Variants in PRKG1 observed in about 807,000 individuals in gnomAD.
PRKG1 encodes the protein protein kinase cGMP-dependent 1.
A neutral mutation model predicts 88.1 loss-of-function variants in PRKG1; 35 were observed. The observed-to-expected ratio is 0.40, with a 90% CI of 0.30 to 0.53. PRKG1 has a LOEUF of 0.53. Ranked by LOEUF, PRKG1 falls within the 20% of genes least tolerant of loss-of-function variation. The pLI, the probability that PRKG1 is intolerant of heterozygous loss-of-function variation, is 0.59. For missense variants in PRKG1, 540 were observed against 839.8 expected, an observed-to-expected ratio of 0.64 and a Z score of 4.41; for synonymous variants, 303 against 292.5, an observed-to-expected ratio of 1.04 and a Z score of -0.37.
chr10:51,862,523 G>A (rs968766297), intron 4 of PRKG1, among the ~76,000 whole-genome samples: 9 of 152,118 alleles, frequency 5.9e-5, no homozygotes, highest in South Asian at 2.1e-4. Flanking sequence ...GAAGGGGCCC[G>A]AAAACAGGTA....
intron 3 of PRKG1, among the ~76,000 whole-genome samples, chr10:51,480,029 A>G (rs1334965846): frequency 6.6e-6 from 1 of 152,074 alleles, no homozygotes; most frequent in Non-Finnish European, 1.5e-5. Flanking sequence ...AATGTTGGCA[A>G]GCTTGATTTA....
At chr10:51,876,853 G>T (rs548092952) in intron 4 of PRKG1, among the ~76,000 whole-genome samples, 1 of 152,172 alleles carries the variant, frequency 6.6e-6, no homozygotes, top group South Asian at 2.1e-4. Flanking sequence ...TAACTCTAGG[G>T]CCTGGGTTTT....
At position 51,858,390 on chromosome 10, in the gene PRKG1, AATATATATAATATATATAAAAT is replaced by A. The variant is rs1286888349; in HGVS notation, c.699-49098_699-49077del. Among the ~76,000 whole-genome samples the A allele has an allele frequency of 2.2e-4, 3 of 13,686 alleles. 1 individual carries two copies. The highest frequency in any genetic ancestry group is 4.4e-3 in the South Asian group (1 of 228). 9.0% of individuals were successfully genotyped at this position (13,686 alleles called of 152,430 possible). On this transcript the variant is annotated intron_variant, in intron 4 of 17. Transcript: ENST00000373980. ...TATAATATATATAAAATATATATATAATATATATAATATATATAAAATATATATATAATATATATATATAGTC... is the reference window on the plus strand; with the variant it reads ...TATAATATATATAAAATATATATATAATATATATAATATATATATATAGTC...
chr10:51,207,292 C>A (rs887830302), intron 2 of PRKG1, among the ~76,000 whole-genome samples: 1 of 152,128 alleles, frequency 6.6e-6, no homozygotes, highest in Non-Finnish European at 1.5e-5. Flanking sequence ...CCCTTCCTTA[C>A]GTTCAAGACT....
At chr10:51,454,784 T>C (rs905277270) in intron 2 of PRKG1, among the ~76,000 whole-genome samples, 4 of 152,132 alleles carry the variant, frequency 2.6e-5, no homozygotes, top group African/African-American at 9.7e-5. Flanking sequence ...GATTCAGTTA[T>C]CTCCCACTGG....
At chr10:52,169,697 G>A (rs1191804576) in intron 9 of PRKG1, among the ~76,000 whole-genome samples, 1 of 152,212 alleles carries the variant, frequency 6.6e-6, no homozygotes, top group Non-Finnish European at 1.5e-5. Flanking sequence ...GAGTGGTGGG[G>A]ATGGAGCCCG....
At chr10:52,012,903 A>G (rs775392325) in intron 5 of PRKG1, among the ~76,000 whole-genome samples, 26 of 152,244 alleles carry the variant, frequency 1.7e-4, no homozygotes, top group Non-Finnish European at 3.2e-4. Flanking sequence ...ACCATGTGGT[A>G]ATTATTATAC....
At chr10:51,392,535 C>G (rs1351481249) in intron 2 of PRKG1, among the ~76,000 whole-genome samples, 1 of 152,108 alleles carries the variant, frequency 6.6e-6, no homozygotes, top group Non-Finnish European at 1.5e-5. Context: ...CTACTTCTTT[C>G]TACACAGACA....
rs181945675 is a variant in PRKG1, at chr10:52,276,215, T to A, written c.1403+3734T>A. Among the ~76,000 whole-genome samples the A allele has an allele frequency of 3.9e-5, 6 of 152,276 alleles. No homozygotes were observed. In the East Asian group the frequency reaches 9.7e-4, roughly 25 times the overall value. ...TGATTGCTCTGGCTAGGACTTCCAG[T>A]ACTGCGTTGAAGAGGAGTGGTGAGA... On this transcript the variant is annotated intron_variant, in intron 12 of 17. Coordinates refer to ENST00000373980, the MANE Select transcript of PRKG1 (RefSeq NM_006258.4).
At chr10:51,727,000 C>A (rs553456317) in intron 3 of PRKG1, among the ~76,000 whole-genome samples, 7 of 151,976 alleles carry the variant, frequency 4.6e-5, no homozygotes, top group Non-Finnish European at 1.0e-4. Context: ...AAGCTGGTCT[C>A]GATTTCCTGA....
intron 1 of PRKG1, among the ~76,000 whole-genome samples, chr10:51,150,888 A>T (rs547818500): frequency 9.7e-4 from 147 of 152,122 alleles, no homozygotes; most frequent in Non-Finnish European, 1.7e-3. Flanking sequence ...TAATAATCTT[A>T]TTTATGAGAG....
intron 1 of PRKG1, among the ~76,000 whole-genome samples, chr10:51,005,968 G>A (rs1842936593): frequency 6.6e-6 from 1 of 152,268 alleles, no homozygotes; most frequent in South Asian, 2.1e-4. Flanking sequence ...ATATGGGTTA[G>A]GGGCTGTTTG....
intron 5 of PRKG1, among the ~76,000 whole-genome samples, chr10:51,924,470 C>T (rs1842528999): frequency 1.3e-5 from 2 of 151,938 alleles, no homozygotes; most frequent in African/African-American, 2.4e-5. Context: ...TCAAGATTTT[C>T]TCGGTCTTTA....
chr10:52,033,258 A>G (rs1222212939), intron 5 of PRKG1, among the ~76,000 whole-genome samples: 1 of 152,208 alleles, frequency 6.6e-6, no homozygotes, highest in Non-Finnish European at 1.5e-5. Flanking sequence ...CCTGGTGACT[A>G]TTCAGTTAAA....
At chr10:51,302,100 C>A (rs1435155032) in intron 2 of PRKG1, among the ~76,000 whole-genome samples, 1 of 152,162 alleles carries the variant, frequency 6.6e-6, no homozygotes, top group Non-Finnish European at 1.5e-5. Flanking sequence ...GTCTGTAAAT[C>A]CACTGAGGAT....
Position 51,063,345 on chromosome 10 carries a change from G to T in PRKG1, c.266+71701G>T, listed in dbSNP as rs533688902. On this transcript the variant is annotated intron_variant, in intron 1 of 17. Transcript: ENST00000401604. ...AAGTGTATTTACACAAACCTAGATG[G>T]TATATAGCCTATTACACACCCAGAC... Among the ~76,000 whole-genome samples the T allele has an allele frequency of 4.6e-5, 7 of 152,208 alleles. No homozygotes were observed. In the South Asian group the frequency reaches 8.3e-4, roughly 18 times the overall value.
At chr10:51,765,240 A>T (rs1338057494) in intron 3 of PRKG1, among the ~76,000 whole-genome samples, 1 of 152,196 alleles carries the variant, frequency 6.6e-6, no homozygotes, top group African/African-American at 2.4e-5. Context: ...GAATTTCAGG[A>T]AGCATGATAG....
intron 7 of PRKG1, among the ~76,000 whole-genome samples, chr10:52,086,956 C>T (rs1846931367): frequency 6.6e-6 from 1 of 152,218 alleles, no homozygotes. Flanking sequence ...AGAAAAGCCC[C>T]TTATGAAACC....
intron 10 of PRKG1, among the ~76,000 whole-genome samples, chr10:52,266,493 A>G (rs907005187): frequency 1.3e-4 from 19 of 151,742 alleles, no homozygotes; most frequent in African/African-American, 4.4e-4. Context: ...TTCCTGCGTT[A>G]GTTTGCTGAG....
Sources: allele counts gnomAD v4.1 joint callset (sites outside exome capture counted in the v4.1 genomes callset), GRCh38; gene constraint gnomAD v4.1.1; transcripts MANE v1.5; gene names NCBI Gene and HGNC (gene_info 2026-07-23, HGNC 2026-07-21).